The following C1QTNF3 variants were observed in gnomAD, a reference collection of about 807,000 sequenced individuals.
C1QTNF3 encodes the protein C1q and TNF related 3.
A neutral mutation model predicts 32.6 loss-of-function variants in C1QTNF3; 26 were observed. The observed-to-expected ratio is 0.80, with a 90% CI of 0.58 to 1.11. The LOEUF (loss-of-function observed/expected upper bound fraction) is 1.11, where lower values mean the gene tolerates loss of function less well. C1QTNF3 is among the 50% of genes least tolerant of loss of function. The pLI is 0.00. For missense variants in C1QTNF3, 362 were observed against 398.2 expected (o/e 0.91, Z 0.77); for synonymous variants, 155 against 146.0 (o/e 1.06, Z -0.44).
At chr5:34,109,431 G>C in the C1QTNF3 span, among the ~76,000 whole-genome samples, 9 of 152,046 alleles carry the variant, frequency 5.9e-5, no homozygotes, top group African/African-American at 1.2e-4. Context: ...TCTGCTATAT[G>C]GTGGGAAGTC....
the C1QTNF3 span, among the ~76,000 whole-genome samples, chr5:34,163,126 A>G: frequency 6.6e-6 from 1 of 152,160 alleles, no homozygotes; most frequent in Non-Finnish European, 1.5e-5. Flanking sequence ...ACCTTTAAAG[A>G]CATGTACACG....
the C1QTNF3 span, among the ~76,000 whole-genome samples, chr5:34,104,407 G>A: frequency 5.1e-4 from 2 of 3,888 alleles, no homozygotes; most frequent in East Asian, 6.2e-3. Context: ...GCTAGGTGAA[G>A]AGTATACAAG....
At chr5:34,061,156 C>A in the C1QTNF3 span, among the ~76,000 whole-genome samples, 1 of 152,200 alleles carries the variant, frequency 6.6e-6, no homozygotes, top group Non-Finnish European at 1.5e-5. Flanking sequence ...GCAGTCAAAT[C>A]TTAAAGCTCC....
chr5:34,172,186 C>G, the C1QTNF3 span, among the ~76,000 whole-genome samples: 1 of 152,072 alleles, frequency 6.6e-6, no homozygotes, highest in Admixed American at 6.6e-5. Context: ...CCTATACATA[C>G]TGTACTATGT....
At chr5:34,230,113 T>C in the C1QTNF3 span, among the ~76,000 whole-genome samples, 6 of 152,132 alleles carry the variant, frequency 3.9e-5, no homozygotes, top group Non-Finnish European at 8.8e-5. Context: ...GAAATAAACG[T>C]CAGTTGTTTA....
At chr5:34,213,732 G>A in the C1QTNF3 span, among the ~76,000 whole-genome samples, 366 of 56,514 alleles carry the variant, frequency 6.5e-3, 6 homozygotes, top group Admixed American at 0.057. Flanking sequence ...ATATATACAC[G>A]TATATATAGT....
the C1QTNF3 span, among the ~76,000 whole-genome samples, chr5:34,147,237 G>C: frequency 6.6e-6 from 1 of 152,212 alleles, no homozygotes; most frequent in African/African-American, 2.4e-5. Context: ...AGCCACTGTG[G>C]AAAGTAGTTT....
chr5:34,045,341 A>C (rs1370425523), upstream of C1QTNF3, among the ~76,000 whole-genome samples: 1 of 152,102 alleles, frequency 6.6e-6, no homozygotes, highest in Non-Finnish European at 1.5e-5. Flanking sequence ...TAATGCCTGG[A>C]CTCTATCCCA....
chr5:34,119,083 T>C, the C1QTNF3 span, among the ~76,000 whole-genome samples: 1 of 152,224 alleles, frequency 6.6e-6, no homozygotes, highest in Non-Finnish European at 1.5e-5. Context: ...ATTGCTATTA[T>C]TGTCTCTTAT....
the C1QTNF3 span, among the ~76,000 whole-genome samples, chr5:34,140,724 T>C: frequency 3.3e-5 from 5 of 152,362 alleles, no homozygotes; most frequent in African/African-American, 1.2e-4. Flanking sequence ...CCGCAGGGTA[T>C]CAGCGAATGT....
chr5:34,035,801 T>C (rs1224126282), intron 1 of C1QTNF3, 43 bp from the exon 2 acceptor site: 4 of 1,471,112 alleles, frequency 2.7e-6, no homozygotes, highest in Non-Finnish European at 3.8e-6. Context: ...AAGGTACTTG[T>C]GAGCAATTAG....
the C1QTNF3 span, among the ~76,000 whole-genome samples, chr5:34,231,080 C>T: frequency 6.6e-6 from 1 of 152,098 alleles, no homozygotes; most frequent in Admixed American, 6.6e-5. Flanking sequence ...AAATCTTCCT[C>T]TCACTCTTCC....
chr5:34,235,877 A>G, the C1QTNF3 span, among the ~76,000 whole-genome samples: 1 of 152,402 alleles, frequency 6.6e-6, no homozygotes, highest in Non-Finnish European at 1.5e-5. Context: ...ACTACACTCA[A>G]CAACATATAA....
chr5:34,118,559 G>A, the C1QTNF3 span, among the ~76,000 whole-genome samples: 1 of 151,938 alleles, frequency 6.6e-6, no homozygotes, highest in Non-Finnish European at 1.5e-5. Context: ...GATCTTTGCT[G>A]ACAGATTTTT....
At chr5:34,061,382 G>T in the C1QTNF3 span, among the ~76,000 whole-genome samples, 1 of 152,128 alleles carries the variant, frequency 6.6e-6, no homozygotes, top group African/African-American at 2.4e-5. Context: ...GAGAACAGTG[G>T]CCTTCGTCTT....
At chr5:34,175,943 C>T in the C1QTNF3 span, 1 of 833,288 alleles carries the variant, frequency 1.2e-6, no homozygotes, top group Non-Finnish European at 2.1e-6. Context: ...CTTCACTGAA[C>T]ATCAGAGGTG....
chr5:34,063,949 A>G, the C1QTNF3 span, among the ~76,000 whole-genome samples: 1 of 152,196 alleles, frequency 6.6e-6, no homozygotes, highest in Non-Finnish European at 1.5e-5. Flanking sequence ...ACTGTTAAGT[A>G]GAGACTTCTG....
At chr5:34,211,380 G>C in the C1QTNF3 span, among the ~76,000 whole-genome samples, 3 of 152,008 alleles carry the variant, frequency 2.0e-5, no homozygotes, top group African/African-American at 7.2e-5. Context: ...CTTGATACCT[G>C]AATGTGTGTA....
At chr5:34,235,137 C>T in the C1QTNF3 span, among the ~76,000 whole-genome samples, 1 of 152,070 alleles carries the variant, frequency 6.6e-6, no homozygotes, top group East Asian at 1.9e-4. Context: ...AAACAACTTC[C>T]CTGATTAGTT....
Sources: allele counts gnomAD v4.1 joint callset (sites outside exome capture counted in the v4.1 genomes callset), GRCh38; gene constraint gnomAD v4.1.1; transcripts MANE v1.5; gene names NCBI Gene and HGNC (gene_info 2026-07-23, HGNC 2026-07-21).